IFT122: variants seen among roughly 807,000 people sequenced by gnomAD.
IFT122 encodes the protein intraflagellar transport 122, also known as intraflagellar transport protein 122 homolog.
IFT122 carries 118 observed loss-of-function variants against 161.6 expected under a neutral mutation model. That is an observed-to-expected ratio of 0.73 (90% CI 0.63 to 0.85). The LOEUF is 0.85. IFT122 is among the 40% of genes least tolerant of loss of function. The pLI is 0.00. For missense variants in IFT122, 1,381 were observed against 1,579.6 expected, an observed-to-expected ratio of 0.87 and a Z score of 2.13; for synonymous variants, 550 against 602.4, an observed-to-expected ratio of 0.91 and a Z score of 1.27.
intron 23 of IFT122, 133 bp downstream of exon 23, chr3:129,507,895 C>T (rs1559996086): frequency 1.4e-6 from 1 of 730,910 alleles, no homozygotes; most frequent in Non-Finnish European, 2.4e-6. Context: ...ATCTTGGTCT[C>T]CTCTGGGAAG....
intron 26 of IFT122, among the ~76,000 whole-genome samples, chr3:129,516,580 GAGAGACTGCCCCTGCACACACAC>G (rs1365771136): frequency 6.3e-5 from 4 of 63,564 alleles, no homozygotes; most frequent in Non-Finnish European, 1.1e-4. Flanking sequence ...CACACACACA[GAGAGACTGCCCCTGCACACACAC>G]AGAGACTGCC....
At chr3:129,515,306 G>A (rs2083352611) in intron 25 of IFT122, 182 bp from the exon 26 acceptor site, 3 of 659,644 alleles carry the variant, frequency 4.5e-6, no homozygotes, top group East Asian at 2.7e-5. Flanking sequence ...TGGGTATTTC[G>A]GCAGGCCTTT....
intron 20 of IFT122, 192 bp from the exon 21 acceptor site, chr3:129,504,127 A>T: frequency 5.2e-6 from 3 of 572,936 alleles, no homozygotes; most frequent in Non-Finnish European, 6.3e-6. Context: ...TATTGCTGTT[A>T]ATTGCCTTTT....
chr3:129,503,364 C>T (rs2713622), intron 20 of IFT122, among the ~76,000 whole-genome samples: 9,959 of 152,250 alleles, frequency 0.065, 846 homozygotes, highest in African/African-American at 0.19. Context: ...TCTCTGCCCC[C>T]ACCCCACAAC....
intron 29 of IFT122, 46 bp downstream of exon 29, chr3:129,519,778 T>A: frequency 1.9e-6 from 3 of 1,608,956 alleles, no homozygotes; most frequent in Non-Finnish European, 2.5e-6. Flanking sequence ...CTTGGCCACT[T>A]TTCCCTTGCC....
At chr3:129,462,164 T>C (rs2076275536) in intron 5 of IFT122, among the ~76,000 whole-genome samples, 1 of 152,250 alleles carries the variant, frequency 6.6e-6, no homozygotes. Flanking sequence ...GAAAGGCCTG[T>C]CATTTGTTTA....
chr3:129,472,539 G>C (rs955540664), intron 9 of IFT122, among the ~76,000 whole-genome samples: 2 of 152,066 alleles, frequency 1.3e-5, no homozygotes, highest in Non-Finnish European at 2.9e-5. Flanking sequence ...AGCAATATTG[G>C]AATGCTTAAG....
In IFT122 at chr3:129,512,356, C is replaced by T. The variant is rs754283229; in HGVS notation, c.2931C>T (p.Ile977=). 2 of 1,614,152 alleles carry T rather than the reference C, an allele frequency of 1.2e-6. No individual in the cohort carries two copies. Among genetic ancestry groups the T allele is most frequent in the Non-Finnish European group, 1.7e-6 (2 of 1,179,960 alleles). ...ATCGTCCTGAAACTCTTTTCAACAT[C>T]TCCAGGTTCCTGCTGCACAGCCTGC... ...SVHRPETLFN[I]SRFLLHSLPK... Residue 977 remains isoleucine (I), a synonymous_variant, in exon 24 of 30, where the codon ATC becomes ATT. Transcript: ENST00000348417.
intron 26 of IFT122, among the ~76,000 whole-genome samples, chr3:129,517,267 T>TGCGCGCGCGCGCGCGCGCGCGCGCGC (rs1393052402): frequency 1.1e-5 from 1 of 89,784 alleles, no homozygotes; most frequent in African/African-American, 5.8e-5. Flanking sequence ...ACATTGCTCC[T>TGCGCGCGCGCGCGCGCGCGCGCGCGC]GCACACACAC....
intron 3 of IFT122, among the ~76,000 whole-genome samples, chr3:129,455,696 A>G (rs1395260615): frequency 6.6e-6 from 1 of 152,176 alleles, no homozygotes; most frequent in Admixed American, 6.5e-5. Context: ...TTTACTATTA[A>G]TAGCCTACTG....
At chr3:129,500,982 GC>G (rs1299439619) in intron 19 of IFT122, among the ~76,000 whole-genome samples, 1 of 152,132 alleles carries the variant, frequency 6.6e-6, no homozygotes, top group Admixed American at 6.5e-5. Context: ...GAACCAAGTG[GC>G]CCATCCCAGG....
At chr3:129,440,833 A>C (rs966339840) in intron 1 of IFT122, among the ~76,000 whole-genome samples, 1 of 152,232 alleles carries the variant, frequency 6.6e-6, no homozygotes, top group African/African-American at 2.4e-5. Context: ...CACTTGCTCT[A>C]AATGTTAAGA....
chr3:129,492,324 C>G, intron 17 of IFT122, 130 bp downstream of exon 17: 2 of 799,378 alleles, frequency 2.5e-6, no homozygotes, highest in Non-Finnish European at 4.5e-6. Flanking sequence ...GCATCTGGGC[C>G]ACAGCCTTGC....
In IFT122 at chr3:129,464,712, A is replaced by G; in HGVS notation, c.494A>G (p.Glu165Gly). 1 of 1,614,124 alleles carries G rather than the reference A, an allele frequency of 6.2e-7. No individual in the cohort carries two copies. Among genetic ancestry groups the G allele is most frequent in the African/African-American group, 1.3e-5 (1 of 75,020 alleles). Reference sequence around the variant, plus strand: ...AGCATACGGAACAAAAATGGCGAGGAGAAAGTAAAGATCGAGCGGCCGGGG... The same window carrying G: ...AGCATACGGAACAAAAATGGCGAGGGGAAAGTAAAGATCGAGCGGCCGGGG... ...IISIRNKNGE[E>G]KVKIERPGGS... is the part of the protein sequence containing the mutation. Residue 165 changes from glutamate (E) to glycine (G), a missense_variant, in exon 7 of 30, where the codon GAG becomes GGG. Glu to Gly is a moderately conservative substitution (Grantham distance 98). Coordinates refer to ENST00000348417, the MANE Select transcript of IFT122 (RefSeq NM_052989.3).
chr3:129,489,646 T>A (rs1434017161), intron 16 of IFT122, among the ~76,000 whole-genome samples: 4 of 151,956 alleles, frequency 2.6e-5, no homozygotes. Flanking sequence ...GAGACCATCC[T>A]GGCTAACACG....
chr3:129,512,463 G>A, intron 24 of IFT122, 51 bp downstream of exon 24: 1 of 1,284,638 alleles, frequency 7.8e-7, no homozygotes, highest in Non-Finnish European at 1.1e-6. Flanking sequence ...TTGTCTAATG[G>A]CCCCAAGAAA....
rs976166441 is a variant in IFT122 at position 129,481,385 on chromosome 3, T to C, written c.1489-145T>C. 10 of 767,562 alleles carry C rather than the reference T, an allele frequency of 1.3e-5. No homozygotes were observed. The African/African-American group carries it at 1.7e-4, about 13-fold the overall frequency. The allele number at this position is 767,562 out of a possible 1,614,324, so 47.5% of individuals were successfully genotyped here. ...TTGCCCCCCACCCCCCTCTTTCTTT[T>C]GATGAGTCCTTTTCCCTGCACAGAG... is the stretch of plus-strand genomic sequence containing the variant. On this transcript the variant is annotated intron_variant, in intron 13 of 29. Transcript: ENST00000348417.
intron 7 of IFT122, among the ~76,000 whole-genome samples, chr3:129,465,202 A>G (rs554298190): frequency 1.3e-4 from 20 of 151,644 alleles, no homozygotes; most frequent in East Asian, 7.8e-4. Flanking sequence ...TTATGAATCA[A>G]TAGTGGAGCT....
intron 4 of IFT122, chr3:129,459,316 G>A: frequency 2.2e-6 from 1 of 452,660 alleles, no homozygotes. Context: ...TTGAGACAGA[G>A]TCTTGCTCTG....
Sources: gnomAD v4.1 joint callset for allele counts (sites outside exome capture counted in the v4.1 genomes callset) on GRCh38, gnomAD v4.1.1 for gene constraint, MANE v1.5 for transcripts, NCBI Gene and HGNC (gene_info 2026-07-23, HGNC 2026-07-21) for gene names.